Variants in STRN4 observed in about 807,000 individuals in gnomAD.
The protein encoded by STRN4 is striatin-4.
Under a neutral mutation model 77.9 loss-of-function variants are expected in STRN4, and 27 were observed. The ratio of observed to expected loss-of-function variants is 0.35; its 90% CI spans 0.26 to 0.48. STRN4 has a LOEUF of 0.48. STRN4 is among the 20% of genes least tolerant of loss of function. STRN4 has a pLI of 0.99. For missense variants in STRN4, 798 were observed against 1,049.7 expected, an observed-to-expected ratio of 0.76 and a Z score of 3.31; for synonymous variants, 466 against 443.1, an observed-to-expected ratio of 1.05 and a Z score of -0.65.
At chr19:46,727,369 G>A in intron 9 of STRN4, 83 bp downstream of exon 9, 2 of 1,192,694 alleles carry the variant, frequency 1.7e-6, no homozygotes, top group Non-Finnish European at 2.4e-6. Context: ...CAGGGCACGG[G>A]CGGCACCCAG....
chr19:46,745,391 G>A (rs1845457080), intron 1 of STRN4, among the ~76,000 whole-genome samples: 3 of 152,016 alleles, frequency 2.0e-5, no homozygotes, highest in Admixed American at 6.5e-5. Context: ...ACACATGCCC[G>A]GGATCCCCAA....
chr19:46,734,202 G>C (rs2054312181), intron 4 of STRN4, among the ~76,000 whole-genome samples: 1 of 152,216 alleles, frequency 6.6e-6, no homozygotes, highest in African/African-American at 2.4e-5. Context: ...ATGCAACCTT[G>C]TGTAAACAGA....
Position 46,724,991 on chromosome 19 carries a change from G to C in STRN4, c.1473-63C>G. Reference sequence around the variant, plus strand: ...AGCTCAGGGCCTCCCCTGGCCACAGGACCTAAGTTCCCTACTAGCATTCTT... The same window carrying C: ...AGCTCAGGGCCTCCCCTGGCCACAGCACCTAAGTTCCCTACTAGCATTCTT... On this transcript the variant is annotated intron_variant, in intron 11 of 17. Transcript: ENST00000263280. 2.5e-6 allele frequency: 4 copies of C among 1,607,474 alleles called. 1 individual carries two copies. The South Asian group carries it at 4.4e-5, about 18-fold the overall frequency.
chr19:46,732,553 CCA>C (rs1364412497), intron 5 of STRN4: 2 of 159,302 alleles, frequency 1.3e-5, no homozygotes, highest in Non-Finnish European at 1.4e-5. Context: ...CATTTAATGC[CCA>C]CAGAGGCCCT....
chr19:46,731,312 T>C (rs944528804), intron 5 of STRN4, among the ~76,000 whole-genome samples: 2 of 152,160 alleles, frequency 1.3e-5, no homozygotes, highest in Non-Finnish European at 2.9e-5. Flanking sequence ...ACAAATGCTC[T>C]GGGAGGCGCC....
At position 46,735,989 on chromosome 19, in the gene STRN4, T is replaced by C. The variant is rs188152095; in HGVS notation, c.539+834A>G. 4.4e-3 allele frequency among the ~76,000 whole-genome samples: 636 copies of C among 145,618 alleles called. 24 individuals carry two copies. Among genetic ancestry groups the C allele is most frequent in the Admixed American group, 0.041 (593 of 14,328 alleles). ...CAAATAATAATAATAATGATAATAA[T>C]TTGGCCAGGCGCAGTGGCTCATGCC... On this transcript the variant is annotated intron_variant, in intron 4 of 17. Coordinates refer to ENST00000263280, the MANE Select transcript of STRN4 (RefSeq NM_013403.3).
intron 8 of STRN4, 144 bp from the exon 9 acceptor site, chr19:46,727,690 A>G: frequency 1.3e-6 from 1 of 767,160 alleles, no homozygotes. Flanking sequence ...GAAGAATCAC[A>G]GCTGGAAAGA....
At chr19:46,721,050 C>A in intron 16 of STRN4, 2 of 353,406 alleles carry the variant, frequency 5.7e-6, no homozygotes, top group Non-Finnish European at 1.0e-5. Flanking sequence ...ACTCTCCCTG[C>A]CCCGCAGCAC....
intron 1 of STRN4, among the ~76,000 whole-genome samples, chr19:46,744,226 C>A (rs942258415): frequency 6.6e-6 from 1 of 152,144 alleles, no homozygotes; most frequent in Non-Finnish European, 1.5e-5. Context: ...TTGTGAAGAT[C>A]TGATGAGATG....
intron 7 of STRN4, chr19:46,728,308 C>T: frequency 5.1e-6 from 3 of 589,296 alleles, no homozygotes; most frequent in Admixed American, 2.9e-5. Context: ...ACCTGCCTCT[C>T]CCCGACTGGG....
At chr19:46,729,352 C>T (rs1297316596) in intron 6 of STRN4, among the ~76,000 whole-genome samples, 1 of 152,152 alleles carries the variant, frequency 6.6e-6, no homozygotes, top group Non-Finnish European at 1.5e-5. Context: ...ACCCACTTGC[C>T]CTAGGTCACC....
chr19:46,720,361 G>A (rs2053947186), intron 17 of STRN4, 23 bp from the exon 18 acceptor site: 3 of 397,916 alleles, frequency 7.5e-6, no homozygotes, highest in Middle Eastern at 6.3e-4. Context: ...GAAGGGAGGG[G>A]AGACTGAGCC....
In STRN4 at chr19:46,725,662, G is replaced by A. The variant is rs773228520; in HGVS notation, c.1249-14C>T. On this transcript the variant is annotated splice_polypyrimidine_tract_variant and intron_variant, in intron 9 of 17. Coordinates refer to ENST00000263280, the MANE Select transcript of STRN4 (RefSeq NM_013403.3). Reference sequence around the variant, plus strand: ...GCTGTCAGACAGCTGGGGTTGGGGGGAGCTGCCTCAGTGTCTTCGCATCCA... The same window carrying A: ...GCTGTCAGACAGCTGGGGTTGGGGGAAGCTGCCTCAGTGTCTTCGCATCCA... 1 of 1,612,354 alleles carries A rather than the reference G, an allele frequency of 6.2e-7. No homozygotes were observed. Among genetic ancestry groups the A allele is most frequent in the Non-Finnish European group, 8.5e-7 (1 of 1,178,790 alleles).
chr19:46,725,744 C>T, intron 9 of STRN4, 96 bp from the exon 10 acceptor site: 1 of 1,463,256 alleles, frequency 6.8e-7, no homozygotes. Flanking sequence ...GTCTTCCACC[C>T]ACATGACCCT....
In STRN4 at chr19:46,741,188, G is replaced by T. The variant is rs762160279; in HGVS notation, c.283-2300C>A. On this transcript the variant is annotated intron_variant, in intron 1 of 17. Transcript: ENST00000263280. This position sits in a 1 kb window ranked among gnomAD's most constrained non-coding sequence, Gnocchi z 4.9. ...CACAGAGACCCCCATCACAGATGAG[G>T]GCAGTCCCAGAAATCCCAGGACAGA... Among the ~76,000 whole-genome samples the T allele has an allele frequency of 6.6e-6, 1 of 152,166 alleles. No homozygotes were observed. Among genetic ancestry groups the T allele is most frequent in the East Asian group, 1.9e-4 (1 of 5,186 alleles).
intron 14 of STRN4, 80 bp from the exon 15 acceptor site, chr19:46,722,420 AC>A (rs2054000331): frequency 7.2e-7 from 1 of 1,393,162 alleles, no homozygotes; most frequent in Non-Finnish European, 1.0e-6. Context: ...GCGCAGCGTG[AC>A]AGCCCCTACA....
In STRN4 at chr19:46,723,780, C is replaced by T. The variant is rs1385515159; in HGVS notation, c.1595-496G>A. The stretch of plus-strand genomic sequence containing the variant: ...TCACTGCTTCCCTGGTTGCTGGAGT[C>T]CACACCAGCAGCTCTGGCCTGCTGA... On this transcript the variant is annotated intron_variant, in intron 12 of 17. Transcript: ENST00000263280. The surrounding 1 kb of genome is among the most constrained non-coding windows in gnomAD (Gnocchi z 5.5). Among the ~76,000 whole-genome samples the T allele has an allele frequency of 6.6e-6, 1 of 152,206 alleles. No homozygotes were observed. Among genetic ancestry groups the T allele is most frequent in the Non-Finnish European group, 1.5e-5 (1 of 68,028 alleles).
chr19:46,731,038 C>G (rs1314580254), intron 5 of STRN4, 165 bp from the exon 6 acceptor site: 2 of 933,966 alleles, frequency 2.1e-6, no homozygotes, highest in African/African-American at 3.3e-5. Context: ...ACCCCAGCCT[C>G]TGCCCAACAA....
In STRN4 at chr19:46,738,408, C is replaced by G. The variant is rs1471613514; in HGVS notation, c.387-171G>C. Among the ~76,000 whole-genome samples, 1 of 152,080 alleles carries G rather than the reference C, an allele frequency of 6.6e-6. No homozygotes were observed. The highest frequency in any genetic ancestry group is 6.6e-5 in the Admixed American group (1 of 15,262). On this transcript the variant is annotated intron_variant, in intron 2 of 17. Transcript: ENST00000263280. The surrounding 1 kb of genome is among the most constrained non-coding windows in gnomAD (Gnocchi z 4.5). ...CCTGGCCTGGTGGAAGAAACCACTC[C>G]CTGGAGTCAGGCAACCTAGGTTGCT...
Sources: allele counts gnomAD v4.1 joint callset (sites outside exome capture counted in the v4.1 genomes callset), GRCh38; gene constraint gnomAD v4.1.1; non-coding constraint Gnocchi (gnomAD v3.1); transcripts MANE v1.5; gene names NCBI Gene and HGNC (gene_info 2026-07-23, HGNC 2026-07-21).